Variants in COL23A1 observed in about 807,000 individuals in gnomAD.
COL23A1 encodes the protein collagen type XXIII alpha 1 chain, also known as collagen alpha-1(XXIII) chain.
A neutral mutation model predicts 99.3 loss-of-function variants in COL23A1; 97 were observed. The ratio of observed to expected loss-of-function variants is 0.98; its 90% CI spans 0.83 to 1.16. The LOEUF (loss-of-function observed/expected upper bound fraction) is 1.16. COL23A1 is among the 50% of genes most tolerant of loss of function. COL23A1 has a pLI of 0.00. For synonymous variants in COL23A1, 320 were observed against 308.2 expected (o/e 1.04, Z -0.40); for missense variants, 762 against 757.4 (o/e 1.01, Z -0.07).
At chr5:178,289,685 C>T (rs1372256955) in intron 4 of COL23A1, among the ~76,000 whole-genome samples, 1 of 152,206 alleles carries the variant, frequency 6.6e-6, no homozygotes, top group African/African-American at 2.4e-5. Context: ...CATTTAGAAA[C>T]GTCAACTGTC....
chr5:178,487,826 A>G (rs1757717664), intron 2 of COL23A1, among the ~76,000 whole-genome samples: 1 of 152,224 alleles, frequency 6.6e-6, no homozygotes. Context: ...ACCCTGGGTC[A>G]CTGGAACAGG....
chr5:178,290,990 T>C (rs1757426093), intron 3 of COL23A1, among the ~76,000 whole-genome samples: 1 of 152,234 alleles, frequency 6.6e-6, no homozygotes, highest in African/African-American at 2.4e-5. Context: ...TTATTGCATT[T>C]GACCTTCCCA....
chr5:178,336,375 T>C (rs1382692380), intron 2 of COL23A1, among the ~76,000 whole-genome samples: 1 of 152,198 alleles, frequency 6.6e-6, no homozygotes, highest in African/African-American at 2.4e-5. Context: ...CAAAACATGG[T>C]CTATCCATAC....
At chr5:178,283,702 T>C (rs1322124552) in intron 5 of COL23A1, among the ~76,000 whole-genome samples, 1 of 152,114 alleles carries the variant, frequency 6.6e-6, no homozygotes, top group Non-Finnish European at 1.5e-5. Flanking sequence ...ACATTGTAAA[T>C]AGGAGATGAT....
chr5:178,589,902 A>G lies in COL23A1; in HGVS notation c.294+2T>C. ...GCCCCAGCCACGCGCCAAGACGCTCACCTCCCGCAGCAGGCGCTCCAGGTG... is the reference window on the plus strand; with the variant it reads ...GCCCCAGCCACGCGCCAAGACGCTCGCCTCCCGCAGCAGGCGCTCCAGGTG... On this transcript the variant is annotated splice_donor_variant, in intron 1 of 28. Coordinates refer to ENST00000390654, the MANE Select transcript of COL23A1 (RefSeq NM_173465.4). LOFTEE classifies it high-confidence loss of function. The surrounding 1 kb of genome is among the most constrained non-coding windows in gnomAD (Gnocchi z 5.4). 1 of 1,305,408 alleles carries G rather than the reference A, an allele frequency of 7.7e-7. No individual in the cohort carries two copies. The highest frequency in any genetic ancestry group is 9.7e-7 in the Non-Finnish European group (1 of 1,033,072). 80.9% of individuals were successfully genotyped at this position (1,305,408 alleles called of 1,614,324 possible). A position where few individuals can be genotyped will look rare whatever the true frequency, so the allele number is the denominator to read the frequency against.
At chr5:178,262,192 C>T (rs1462487280) in intron 10 of COL23A1, 25 bp downstream of exon 10, 17 of 1,572,714 alleles carry the variant, frequency 1.1e-5, no homozygotes, top group Non-Finnish European at 1.5e-5. Flanking sequence ...GCAGCCCAGG[C>T]CTCTGGAATG....
chr5:178,432,266 A>G (rs1766303862), intron 2 of COL23A1, among the ~76,000 whole-genome samples: 1 of 152,242 alleles, frequency 6.6e-6, no homozygotes, highest in Non-Finnish European at 1.5e-5. Flanking sequence ...AAGCACTCCA[A>G]GGAATTACAA....
At chr5:178,545,370 T>G (rs2113382249) in intron 2 of COL23A1, among the ~76,000 whole-genome samples, 1 of 152,282 alleles carries the variant, frequency 6.6e-6, no homozygotes, top group East Asian at 1.9e-4. Flanking sequence ...AACAGGCCAC[T>G]TCAAGCCCAT....
At chr5:178,494,726 T>G (rs776391660) in intron 2 of COL23A1, among the ~76,000 whole-genome samples, 12 of 152,192 alleles carry the variant, frequency 7.9e-5, no homozygotes, top group Non-Finnish European at 1.5e-4. Flanking sequence ...AAGAAGGCTC[T>G]GCTCCCCGGT....
chr5:178,391,078 C>G (rs1763939292), intron 2 of COL23A1, among the ~76,000 whole-genome samples: 1 of 152,232 alleles, frequency 6.6e-6, no homozygotes. Flanking sequence ...GCTCCACCTT[C>G]TGTCAGATCA....
Position 178,560,662 on chromosome 5 carries a change from G to A in COL23A1, c.361+20C>T, listed in dbSNP as rs764459847. 2 of 1,608,040 alleles carry A rather than the reference G, an allele frequency of 1.2e-6. No homozygotes were observed. The highest frequency in any genetic ancestry group is 1.1e-5 in the South Asian group (1 of 89,740). ...GGCGGCCGAACGCAGGAGCCAGAAG[G>A]GAGCTCAACCTTCACTTACCTGGGG... On this transcript the variant is annotated intron_variant, in intron 2 of 28. Transcript: ENST00000390654.
At chr5:178,552,213 C>T (rs147691454) in intron 2 of COL23A1, among the ~76,000 whole-genome samples, 1 of 152,348 alleles carries the variant, frequency 6.6e-6, no homozygotes, top group East Asian at 1.9e-4. Context: ...CTGCCTTCCT[C>T]TAACAACTGG....
chr5:178,403,322 C>T (rs560104277), intron 2 of COL23A1, among the ~76,000 whole-genome samples: 35 of 152,132 alleles, frequency 2.3e-4, no homozygotes, highest in Non-Finnish European at 3.2e-4. Context: ...CACCCAGCAA[C>T]GGCTGAGCCA....
At chr5:178,548,893 C>T (rs1017440101) in intron 2 of COL23A1, among the ~76,000 whole-genome samples, 10 of 152,158 alleles carry the variant, frequency 6.6e-5, no homozygotes, top group Admixed American at 1.3e-4. Context: ...CAGCAGCAGA[C>T]GAGATGAATA....
rs1341929010 is a variant in COL23A1, at chr5:178,415,504, T to C, written c.362-108585A>G. Among the ~76,000 whole-genome samples, 2 of 152,112 alleles carry C rather than the reference T, an allele frequency of 1.3e-5. No homozygotes were observed. The highest frequency in any genetic ancestry group is 2.9e-5 in the Non-Finnish European group (2 of 68,014). ...ACAGGCTTGCTGCTGCCAGCCGGCC[T>C]CCACGAACACTTCTACTGTCTCCTG... On this transcript the variant is annotated intron_variant, in intron 2 of 28. Transcript: ENST00000390654. The surrounding 1 kb of genome is among the most constrained non-coding windows in gnomAD (Gnocchi z 4.6).
At chr5:178,293,517 A>G (rs1757574265) in intron 3 of COL23A1, among the ~76,000 whole-genome samples, 1 of 152,086 alleles carries the variant, frequency 6.6e-6, no homozygotes, top group African/African-American at 2.4e-5. Context: ...AGTGGGTTGG[A>G]CAATGTGGCC....
chr5:178,301,830 C>T (rs1441719559), intron 3 of COL23A1, among the ~76,000 whole-genome samples: 1 of 147,278 alleles, frequency 6.8e-6, no homozygotes, highest in Non-Finnish European at 1.5e-5. Flanking sequence ...AATGCTGCAC[C>T]TGTGTGTGCG....
intron 2 of COL23A1, among the ~76,000 whole-genome samples, chr5:178,534,467 G>A (rs1392137864): frequency 5.3e-5 from 8 of 152,234 alleles, no homozygotes; most frequent in Non-Finnish European, 1.0e-4. Flanking sequence ...CAGCCCCATC[G>A]CTCACTGGCC....
chr5:178,521,616 T>C lies in COL23A1; in HGVS notation c.361+39066A>G, dbSNP rs188673760. Among the ~76,000 whole-genome samples, 42 of 151,526 alleles carry C rather than the reference T, an allele frequency of 2.8e-4. 1 individual carries two copies. In the East Asian group the frequency reaches 6.8e-3, roughly 24 times the overall value. The stretch of plus-strand genomic sequence containing the variant: ...AAGAATGAGGTAAACTGTGCATCAA[T>C]TGATGGATGGATAAACAAAATGTGG... On this transcript the variant is annotated intron_variant, in intron 2 of 28. Transcript: ENST00000390654.
Sources: allele counts gnomAD v4.1 joint callset (sites outside exome capture counted in the v4.1 genomes callset), GRCh38; gene constraint gnomAD v4.1.1; non-coding constraint Gnocchi (gnomAD v3.1); transcripts MANE v1.5; gene names NCBI Gene and HGNC (gene_info 2026-07-23, HGNC 2026-07-21).